The following SH3RF1 variants were observed in gnomAD, a reference collection of about 807,000 sequenced individuals.
The protein encoded by SH3RF1 is E3 ubiquitin-protein ligase SH3RF1.
In SH3RF1, 32 loss-of-function variants were observed where a neutral mutation model predicts 74.0. That is an observed-to-expected ratio of 0.43 (90% CI 0.33 to 0.58). The LOEUF (loss-of-function observed/expected upper bound fraction) is 0.58, where lower values mean the gene tolerates loss of function less well. Among genes scored for constraint, SH3RF1 ranks in the 20% least tolerant of loss-of-function variants. The probability of loss-of-function intolerance (pLI) is 0.05; values close to 1 mark genes in which losing one functional copy is unlikely to be tolerated. For missense variants in SH3RF1, 954 were observed against 1,130.9 expected (o/e 0.84, Z 2.24); for synonymous variants, 396 against 439.6 (o/e 0.90, Z 1.24).
intron 2 of SH3RF1, among the ~76,000 whole-genome samples, chr4:169,214,264 G>T (rs1044343235): frequency 1.3e-5 from 2 of 152,188 alleles, no homozygotes; most frequent in Non-Finnish European, 2.9e-5. Flanking sequence ...CTCTTGCCAT[G>T]TGAGGTACCT....
chr4:169,156,269 A>T (rs750382070), intron 3 of SH3RF1, 135 bp downstream of exon 3: 4 of 973,634 alleles, frequency 4.1e-6, no homozygotes, highest in Non-Finnish European at 4.4e-6. Context: ...GCTTCTAGGC[A>T]TTTTCAGAAG....
At chr4:169,168,797 A>G (rs1734283714) in intron 2 of SH3RF1, among the ~76,000 whole-genome samples, 1 of 152,234 alleles carries the variant, frequency 6.6e-6, no homozygotes, top group African/African-American at 2.4e-5. Context: ...TTTGGCAATC[A>G]AATCATCTGA....
chr4:169,209,288 GA>G lies in SH3RF1; in HGVS notation c.394-52610del, dbSNP rs767430368. Among the ~76,000 whole-genome samples the G allele has an allele frequency of 3.4e-3, 446 of 129,956 alleles. 1 individual carries two copies. Among genetic ancestry groups the G allele is most frequent in the South Asian group, 0.016 (66 of 4,058 alleles). 85.3% of individuals were successfully genotyped at this position (129,956 alleles called of 152,430 possible). ...TGAGTGACAGAACAAGACCCTGTCC[GA>G]AAAAAAAAAAAAAATGAGGCAGCAA... On this transcript the variant is annotated intron_variant, in intron 2 of 11. Coordinates refer to ENST00000284637, the MANE Select transcript of SH3RF1 (RefSeq NM_020870.4).
intron 2 of SH3RF1, among the ~76,000 whole-genome samples, chr4:169,214,136 C>T (rs1485709301): frequency 6.6e-6 from 1 of 152,156 alleles, no homozygotes; most frequent in Non-Finnish European, 1.5e-5. Flanking sequence ...GTGTTTGGGT[C>T]ATGGGGGCGC....
At chr4:169,119,698 A>T (rs1284202400) in intron 8 of SH3RF1, among the ~76,000 whole-genome samples, 1 of 152,194 alleles carries the variant, frequency 6.6e-6, no homozygotes, top group Non-Finnish European at 1.5e-5. Flanking sequence ...TTCTGTCACC[A>T]TCTGCAACAA....
intron 2 of SH3RF1, among the ~76,000 whole-genome samples, chr4:169,175,348 A>C (rs1008034571): frequency 1.3e-5 from 2 of 152,084 alleles, no homozygotes; most frequent in Non-Finnish European, 2.9e-5. Flanking sequence ...TGTGGCTCCC[A>C]AGGCTTTCTA....
chr4:169,101,313 A>T (rs1054495562), intron 11 of SH3RF1, among the ~76,000 whole-genome samples: 5 of 152,248 alleles, frequency 3.3e-5, no homozygotes, highest in African/African-American at 1.2e-4. Context: ...GTGCTACAAC[A>T]GGGATGAACC....
chr4:169,236,948 A>G (rs565216236), intron 2 of SH3RF1, among the ~76,000 whole-genome samples: 1 of 152,334 alleles, frequency 6.6e-6, no homozygotes, highest in East Asian at 1.9e-4. Context: ...AAGAGAGACG[A>G]TTGTATTTAA....
At chr4:169,165,914 T>C (rs1734234723) in intron 2 of SH3RF1, among the ~76,000 whole-genome samples, 1 of 152,092 alleles carries the variant, frequency 6.6e-6, no homozygotes, top group Non-Finnish European at 1.5e-5. Flanking sequence ...GGGGAATAGA[T>C]GGGGATGAAT....
chr4:169,239,368 C>T (rs1374312659), intron 2 of SH3RF1, among the ~76,000 whole-genome samples: 2 of 151,774 alleles, frequency 1.3e-5, no homozygotes, highest in African/African-American at 2.4e-5. Flanking sequence ...GCCAAGCATA[C>T]AGAGAAATAA....
At chr4:169,100,750 G>A (rs185550661) in intron 11 of SH3RF1, among the ~76,000 whole-genome samples, 8 of 152,296 alleles carry the variant, frequency 5.3e-5, no homozygotes, top group Admixed American at 4.6e-4. Flanking sequence ...CCTGGTATGC[G>A]AAGCCCTTGG....
At chr4:169,217,873 T>C (rs576909317) in intron 2 of SH3RF1, among the ~76,000 whole-genome samples, 236 of 152,286 alleles carry the variant, frequency 1.5e-3, no homozygotes, top group Non-Finnish European at 2.1e-3. Context: ...AAAAAAAAGT[T>C]TAATGAGGGA....
At chr4:169,190,332 A>G (rs1355484490) in intron 2 of SH3RF1, among the ~76,000 whole-genome samples, 1 of 152,240 alleles carries the variant, frequency 6.6e-6, no homozygotes, top group Non-Finnish European at 1.5e-5. Flanking sequence ...TAGCAAGATT[A>G]ACAAAGAAAA....
chr4:169,168,162 A>G (rs908211554), intron 2 of SH3RF1, among the ~76,000 whole-genome samples: 1 of 152,122 alleles, frequency 6.6e-6, no homozygotes, highest in Admixed American at 6.6e-5. Context: ...CAAAAGCAAA[A>G]GTATCACAAT....
intron 11 of SH3RF1, among the ~76,000 whole-genome samples, chr4:169,104,563 G>A (rs1004744259): frequency 6.6e-6 from 1 of 152,050 alleles, no homozygotes; most frequent in African/African-American, 2.4e-5. Context: ...GGTTTTAGGG[G>A]GTTAGAACTA....
chr4:169,248,502 G>A lies in SH3RF1; in HGVS notation c.393+20318C>T, dbSNP rs142488713. Among the ~76,000 whole-genome samples the A allele has an allele frequency of 1.8e-4, 27 of 152,238 alleles. 1 individual carries two copies. Among genetic ancestry groups the A allele is most frequent in the African/African-American group, 6.0e-4 (25 of 41,530 alleles). The stretch of plus-strand genomic sequence containing the variant: ...GGGCCTGTTGTGGGGTGGGAGGCAA[G>A]GAAAGGGAGAACATTAGGACAAATA... On this transcript the variant is annotated intron_variant, in intron 2 of 11. Transcript: ENST00000284637.
At chr4:169,129,277 T>A (rs1733573831) in intron 6 of SH3RF1, among the ~76,000 whole-genome samples, 1 of 152,266 alleles carries the variant, frequency 6.6e-6, no homozygotes, top group African/African-American at 2.4e-5. Flanking sequence ...GAGAGATGTC[T>A]CACAACTGCT....
chr4:169,118,072 C>T (rs970722533), intron 8 of SH3RF1, among the ~76,000 whole-genome samples: 2 of 152,176 alleles, frequency 1.3e-5, no homozygotes, highest in Admixed American at 6.5e-5. Flanking sequence ...TCTCCACTGA[C>T]TTTCAAGGCC....
At chr4:169,210,345 A>G (rs1199794473) in intron 2 of SH3RF1, among the ~76,000 whole-genome samples, 1 of 152,204 alleles carries the variant, frequency 6.6e-6, no homozygotes, top group Non-Finnish European at 1.5e-5. Context: ...ATGAAGACAA[A>G]ACACCTTATA....
Sources: gnomAD v4.1 joint callset for allele counts (sites outside exome capture counted in the v4.1 genomes callset) on GRCh38, gnomAD v4.1.1 for gene constraint, MANE v1.5 for transcripts, NCBI Gene and HGNC (gene_info 2026-07-23, HGNC 2026-07-21) for gene names.